FLYWCH1: variants seen among roughly 807,000 people sequenced by gnomAD.
FLYWCH1 encodes the protein FLYWCH-type zinc finger-containing protein 1.
FLYWCH1 carries 75 observed loss-of-function variants against 66.4 expected under a neutral mutation model. The observed-to-expected ratio is 1.13, with a 90% CI of 0.94 to 1.37. The LOEUF (loss-of-function observed/expected upper bound fraction) is 1.37. FLYWCH1 is among the 40% of genes most tolerant of loss of function. The pLI is 0.00. For synonymous variants in FLYWCH1, 595 were observed against 429.9 expected, an observed-to-expected ratio of 1.38 and a Z score of -4.75; for missense variants, 1,334 against 1,001.8, an observed-to-expected ratio of 1.33 and a Z score of -4.48.
chr16:2,918,338 G>A (rs1172956742), intron 2 of FLYWCH1, among the ~76,000 whole-genome samples: 2 of 151,970 alleles, frequency 1.3e-5, no homozygotes, highest in African/African-American at 2.4e-5. Context: ...TAGTAGAGAC[G>A]GGGTTTCACC....
chr16:2,918,833 G>C (rs757475724), intron 2 of FLYWCH1, among the ~76,000 whole-genome samples: 4 of 152,228 alleles, frequency 2.6e-5, no homozygotes, highest in African/African-American at 9.7e-5. Context: ...GGAAAGACCA[G>C]TGGATTGAGG....
intron 2 of FLYWCH1, among the ~76,000 whole-genome samples, chr16:2,927,733 G>A (rs1157173928): frequency 2.6e-5 from 4 of 152,200 alleles, no homozygotes; most frequent in Admixed American, 6.5e-5. Context: ...CACACTGGGC[G>A]CCAGGTGAAG....
intron 7 of FLYWCH1, among the ~76,000 whole-genome samples, chr16:2,937,825 G>C (rs1386180100): frequency 6.6e-6 from 1 of 152,156 alleles, no homozygotes; most frequent in Admixed American, 6.5e-5. Flanking sequence ...GCTGGCTGAG[G>C]GGTAGGTGGA....
intron 6 of FLYWCH1, chr16:2,935,794 G>A (rs1156629552): frequency 6.6e-6 from 1 of 152,274 alleles, no homozygotes; most frequent in Admixed American, 6.5e-5. Flanking sequence ...GCCTTTTTAG[G>A]CTTTGGGCTT....
At chr16:2,916,373 C>T (rs1039563039) in intron 2 of FLYWCH1, among the ~76,000 whole-genome samples, 1 of 151,560 alleles carries the variant, frequency 6.6e-6, no homozygotes, top group African/African-American at 2.4e-5. Context: ...TGGTGGCTCA[C>T]GCCTGTAATC....
intron 1 of FLYWCH1, among the ~76,000 whole-genome samples, chr16:2,912,495 C>G (rs1028106257): frequency 6.6e-6 from 1 of 152,216 alleles, no homozygotes; most frequent in Non-Finnish European, 1.5e-5. Context: ...TCCCAGTGAC[C>G]TTGCACTTTT....
intron 4 of FLYWCH1, among the ~76,000 whole-genome samples, chr16:2,931,842 T>A (rs12447934): frequency 2.7e-5 from 4 of 150,546 alleles, no homozygotes; most frequent in African/African-American, 4.9e-5. Flanking sequence ...GGCTGGGCGC[T>A]TTGGCTCACG....
In FLYWCH1 at chr16:2,917,924, C is replaced by T. The variant is rs548380813; in HGVS notation, c.-74+3635C>T. On this transcript the variant is annotated intron_variant, in intron 2 of 9. Transcript: ENST00000253928. ...ATCTTGGCTCACTGTGCAACCTCCA[C>T]TTCCTGGGTTCAAGCAATTCTCCCT... 8.6e-5 allele frequency among the ~76,000 whole-genome samples: 13 copies of T among 150,878 alleles called. 1 individual carries two copies. In the East Asian group the frequency reaches 2.6e-3, roughly 30 times the overall value.
At chr16:2,918,533 C>T (rs1212620531) in intron 2 of FLYWCH1, among the ~76,000 whole-genome samples, 15 of 151,266 alleles carry the variant, frequency 9.9e-5, no homozygotes, top group African/African-American at 3.4e-4. Context: ...CTCCACCTCC[C>T]GGTTTCGAGT....
chr16:2,926,223 T>C (rs1160229016), intron 2 of FLYWCH1, among the ~76,000 whole-genome samples: 1 of 152,188 alleles, frequency 6.6e-6, no homozygotes, highest in African/African-American at 2.4e-5. Context: ...CTGCCCATGG[T>C]TTCCAGAACA....
chr16:2,926,431 A>T lies in FLYWCH1; in HGVS notation c.-73-3182A>T, dbSNP rs1293588696. 2.0e-5 allele frequency among the ~76,000 whole-genome samples: 3 copies of T among 152,238 alleles called. No individual in the cohort carries two copies. In the East Asian group the frequency reaches 5.8e-4, roughly 29 times the overall value. On this transcript the variant is annotated intron_variant, in intron 2 of 9. Transcript: ENST00000253928. The stretch of plus-strand genomic sequence containing the variant: ...AGCTATGTAATAGATTGTGAAGAAG[A>T]CAAAGGGACAGAATTCCAGAAAGGA...
At chr16:2,920,698 T>A (rs1329659311) in intron 2 of FLYWCH1, among the ~76,000 whole-genome samples, 1 of 151,732 alleles carries the variant, frequency 6.6e-6, no homozygotes, top group Non-Finnish European at 1.5e-5. Context: ...TATGCCACCA[T>A]GCCTGGCTAT....
Position 2,933,155 on chromosome 16 carries a change from G to T in FLYWCH1, c.822G>T (p.Leu274=), listed in dbSNP as rs2070833321. 3 of 1,613,492 alleles carry T rather than the reference G, an allele frequency of 1.9e-6. No individual in the cohort carries two copies. The African/African-American group carries it at 4.0e-5, about 22-fold the overall frequency. Residue 274 remains leucine, a synonymous_variant, in exon 5 of 10, where the codon CTG becomes CTT. Coordinates refer to ENST00000253928, the MANE Select transcript of FLYWCH1 (RefSeq NM_001308068.2). ...GACAGGCCCGGCCCCTCGAGTTCCT[G>T]AGGACGTGCTACGGGGGCAGCTTCC... ...GLGQARPLEF[L]RTCYGGSFLV... is the part of the protein sequence containing the mutation.
At position 2,933,469 on chromosome 16, in the gene FLYWCH1, G is replaced by T; in HGVS notation, c.1136G>T (p.Gly379Val). The T allele has an allele frequency of 1.2e-6, 2 of 1,604,172 alleles. No homozygotes were observed. The highest frequency in any genetic ancestry group is 4.5e-5 in the East Asian group (2 of 44,398). Reference sequence around the variant, plus strand: ...AGTTTGCTCTACCGCAGGGGTCCGGGTCCCCTGACTCTCACCAGGCCTCGG... The same window carrying T: ...AGTTTGCTCTACCGCAGGGGTCCGGTTCCCCTGACTCTCACCAGGCCTCGG... ...VDSLLYRRGP[G>V]PLTLTRPRPR... is the part of the protein sequence containing the mutation. The change falls in exon 5 of 10, where the codon GGT becomes GTT. Residue 379 changes from glycine to valine, a missense_variant. Transcript: ENST00000253928.
At chr16:2,939,416 A>C (rs1055917418) in intron 8 of FLYWCH1, among the ~76,000 whole-genome samples, 1 of 149,532 alleles carries the variant, frequency 6.7e-6, no homozygotes, top group Admixed American at 6.7e-5. Flanking sequence ...AGATCGCGCC[A>C]CTGCCCTCCA....
chr16:2,930,080 C>T (rs2070708824), intron 3 of FLYWCH1, 70 bp downstream of exon 3: 1 of 1,342,586 alleles, frequency 7.4e-7, no homozygotes, highest in Non-Finnish European at 1.0e-6. Flanking sequence ...GCCCTGTACA[C>T]CCTGCTTCAA....
At chr16:2,945,667 A>G (rs996512577) in intron 9 of FLYWCH1, among the ~76,000 whole-genome samples, 7 of 151,398 alleles carry the variant, frequency 4.6e-5, no homozygotes, top group African/African-American at 1.5e-4. Flanking sequence ...TCAAAAAATT[A>G]AAGTCCAACT....
In FLYWCH1 at chr16:2,951,120, C is replaced by G. The variant is rs2071650349; in HGVS notation, c.*2393C>G. The stretch of plus-strand genomic sequence containing the variant: ...AAACCCTGCTGTATGACATTTGCAC[C>G]ACATGGTGTGTGTCCGTGCCCTTTG... On this transcript the variant is annotated 3_prime_UTR_variant, in exon 10 of 10. Transcript: ENST00000253928. The G allele has an allele frequency of 6.6e-6, 1 of 152,298 alleles. No individual in the cohort carries two copies. Among genetic ancestry groups the G allele is most frequent in the South Asian group, 2.1e-4 (1 of 4,836 alleles). The allele number at this position is 152,298 out of a possible 1,614,324, so 9.4% of individuals were successfully genotyped here.
intron 2 of FLYWCH1, among the ~76,000 whole-genome samples, chr16:2,921,935 C>T (rs568578435): frequency 9.9e-5 from 15 of 152,082 alleles, no homozygotes; most frequent in East Asian, 3.9e-4. Flanking sequence ...TGGTGGCGCG[C>T]GCCTGTAGTC....
Sources: gnomAD v4.1 joint callset for allele counts (sites outside exome capture counted in the v4.1 genomes callset) on GRCh38, gnomAD v4.1.1 for gene constraint, MANE v1.5 for transcripts, NCBI Gene and HGNC (gene_info 2026-07-23, HGNC 2026-07-21) for gene names.